The following ZNF7 variants were observed in gnomAD, a reference collection of about 807,000 sequenced individuals.
ZNF7 encodes zinc finger protein 7.
Under a neutral mutation model 12.0 loss-of-function variants are expected in ZNF7, and 10 were observed. The observed-to-expected ratio is 0.83, with a 90% CI of 0.51 to 1.42. The LOEUF (loss-of-function observed/expected upper bound fraction) is 1.42, where lower values mean the gene tolerates loss of function less well. Among genes scored for constraint, ZNF7 ranks in the 40% most tolerant of loss-of-function variants. ZNF7 has a pLI of 0.00. For synonymous variants in ZNF7, 334 were observed against 295.0 expected, an observed-to-expected ratio of 1.13 and a Z score of -1.35; for missense variants, 854 against 837.2, an observed-to-expected ratio of 1.02 and a Z score of -0.25.
intron 4 of ZNF7, chr8:144,841,076 A>G (rs1348013547): frequency 2.4e-6 from 1 of 411,810 alleles, no homozygotes; most frequent in Non-Finnish European, 4.4e-6. Context: ...ACTGTGCCCC[A>G]CACCAGTGCC....
At chr8:144,845,835 C>A, downstream of ZNF7, 1 of 761,772 alleles carries the variant, frequency 1.3e-6, no homozygotes, top group Non-Finnish European at 2.1e-6. Flanking sequence ...CACACCGGAA[C>A]TTCTGTGCAC....
chr8:144,829,153 C>A, intron 2 of ZNF7, 63 bp downstream of exon 2: 3 of 1,610,008 alleles, frequency 1.9e-6, no homozygotes, highest in South Asian at 1.1e-5. Context: ...CCTGCTCTGC[C>A]CACTGGCCCT....
chr8:144,845,605 A>G (rs760432338), downstream of ZNF7, among the ~76,000 whole-genome samples: 5 of 152,170 alleles, frequency 3.3e-5, no homozygotes, highest in Admixed American at 6.5e-5. Context: ...CTCACACAGC[A>G]TCTAATTAAG....
chr8:144,842,997 AAAG>A lies in ZNF7; in HGVS notation c.1893_1895del (p.Lys632del). The A allele has an allele frequency of 6.2e-7, 1 of 1,614,210 alleles. No individual in the cohort carries two copies. The highest frequency in any genetic ancestry group is 8.5e-7 in the Non-Finnish European group (1 of 1,180,046). On this transcript the variant is annotated inframe_deletion, in exon 5 of 5. Transcript: ENST00000532777. ...TGAGCCGTAAAAAGGTTAATACTAT[AAAG>A]AAACTGCATCAGTGTGAAGACTGTG...
At chr8:144,846,307 A>T, downstream of ZNF7, 1 of 923,502 alleles carries the variant, frequency 1.1e-6, no homozygotes, top group Non-Finnish European at 1.6e-6. Flanking sequence ...ACATGGTCCT[A>T]AGTCAGGGGC....
rs1830242122 is a variant in ZNF7 at position 144,843,397 on chromosome 8, G to A, written c.*229G>A. On this transcript the variant is annotated 3_prime_UTR_variant, in exon 5 of 5. Coordinates refer to ENST00000532777, the MANE Select transcript of ZNF7 (RefSeq NM_003416.4). ...GAGGTCAGGAGGTTGAGACCATCCT[G>A]GGTAACAGGTGAAACCCCATCTCTA... is the stretch of plus-strand genomic sequence containing the variant. The A allele has an allele frequency of 2.3e-6, 1 of 441,934 alleles. No homozygotes were observed. Among genetic ancestry groups the A allele is most frequent in the Admixed American group, 4.1e-5 (1 of 24,620 alleles). The allele number at this position is 441,934 out of a possible 1,614,324, so 27.4% of individuals were successfully genotyped here.
chr8:144,843,117 T>G lies in ZNF7; in HGVS notation c.2010T>G (p.Ala670=), dbSNP rs746619228. The G allele has an allele frequency of 4.3e-6, 7 of 1,610,366 alleles. No individual in the cohort carries two copies. The East Asian group carries it at 1.6e-4, about 36-fold the overall frequency. The change falls in exon 5 of 5, where the codon GCT becomes GCG. Residue 670 remains alanine (A), a synonymous_variant. Coordinates refer to ENST00000532777, the MANE Select transcript of ZNF7 (RefSeq NM_003416.4). ...ATAAATGCAATGACTGTGGCAAAGC[T>G]TTTAATCGTAGCTCAAGGCTTACCC... is the stretch of plus-strand genomic sequence containing the variant. The part of the protein sequence containing the change: ...KPYKCNDCGK[A]FNRSSRLTQH...
At chr8:144,840,214 A>G (rs1829697719) in intron 4 of ZNF7, among the ~76,000 whole-genome samples, 2 of 152,214 alleles carry the variant, frequency 1.3e-5, no homozygotes, top group Admixed American at 1.3e-4. Flanking sequence ...GCAGCACATG[A>G]GGACCAGGCC....
chr8:144,847,118 G>C (rs1830553903), downstream of ZNF7: 1 of 152,290 alleles, frequency 6.6e-6, no homozygotes, highest in Admixed American at 6.5e-5. Context: ...ACAGCTTTGA[G>C]ATCTGAGTAT....
intron 4 of ZNF7, among the ~76,000 whole-genome samples, chr8:144,839,063 T>G (rs1380254107): frequency 1.1e-5 from 1 of 88,492 alleles, no homozygotes; most frequent in Non-Finnish European, 2.2e-5. Context: ...TCCATTCATA[T>G]GCGCCTAGGG....
chr8:144,837,186 A>G, intron 3 of ZNF7: 1 of 411,306 alleles, frequency 2.4e-6, no homozygotes, highest in Non-Finnish European at 4.4e-6. Context: ...CTTGCTGTCC[A>G]GCCACAGGAG....
chr8:144,844,449 G>A (rs185372595), downstream of ZNF7, among the ~76,000 whole-genome samples: 62 of 151,832 alleles, frequency 4.1e-4, no homozygotes, highest in East Asian at 9.9e-3. Context: ...GGTGGCTCAC[G>A]CCTGTAATCC....
intron 3 of ZNF7, chr8:144,835,550 G>C (rs1828896087): frequency 6.6e-6 from 1 of 152,006 alleles, no homozygotes; most frequent in Admixed American, 6.6e-5. Context: ...CTTATTCTCT[G>C]TTTTTTGGCA....
chr8:144,844,034 T>G (rs1333496633), downstream of ZNF7, among the ~76,000 whole-genome samples: 1 of 152,162 alleles, frequency 6.6e-6, no homozygotes. Flanking sequence ...TTGGCATTTA[T>G]GGAGCACATA....
In ZNF7 at chr8:144,842,765, A is replaced by C; in HGVS notation, c.1658A>C (p.Tyr553Ser). ...AGGGTTCACACTGGAGAGAGGCCCT[A>C]TAAATGTAATGAATGTGGGAAAGCC... ...HQRVHTGERP[Y>S]KCNECGKAFS... The change falls in exon 5 of 5, where the codon TAT (tyrosine) becomes TCT (serine). Residue 553 changes from tyrosine (Y) to serine (S), a missense_variant. Coordinates refer to ENST00000532777, the MANE Select transcript of ZNF7 (RefSeq NM_003416.4). The C allele has an allele frequency of 6.2e-7, 1 of 1,614,216 alleles. No homozygotes were observed. The highest frequency in any genetic ancestry group is 1.3e-5 in the African/African-American group (1 of 75,072).
In ZNF7 at chr8:144,841,536, G is replaced by A. The variant is rs1277815904; in HGVS notation, c.429G>A (p.Val143=). The change falls in exon 5 of 5, where the codon GTG becomes GTA. Residue 143 remains valine, a synonymous_variant. Transcript: ENST00000532777. The stretch of plus-strand genomic sequence containing the variant: ...ATCTGGGCAGTCCCGGGCTGAAAGT[G>A]ACAGGCTTTACCTTCCAAAATAACT... ...DSHLGSPGLK[V]TGFTFQNNCL... 1.9e-6 allele frequency: 3 copies of A among 1,614,040 alleles called. No individual in the cohort carries two copies. The highest frequency in any genetic ancestry group is 2.5e-6 in the Non-Finnish European group (3 of 1,180,048).
chr8:144,841,644 G>A lies in ZNF7; in HGVS notation c.537G>A (p.Leu179=). ...GTAAGGAGCTGGGAAGCAGCGGCCT[G>A]GATTGTCAGCCTCTTGAAAGTCAGG... ...QGCKELGSSG[L]DCQPLESQGE... The change falls in exon 5 of 5, where the codon CTG becomes CTA. Residue 179 remains leucine (L), a synonymous_variant. Transcript: ENST00000532777. 6.2e-7 allele frequency: 1 copy of A among 1,614,216 alleles called. No homozygotes were observed. The highest frequency in any genetic ancestry group is 8.5e-7 in the Non-Finnish European group (1 of 1,180,042).
rs1007132098 is a variant in ZNF7 at position 144,830,944 on chromosome 8, C to T, written c.130+1340C>T. The T allele has an allele frequency of 3.3e-5, 15 of 457,054 alleles. No homozygotes were observed. The Admixed American group carries it at 3.5e-4, about 11-fold the overall frequency. The allele number at this position is 457,054 out of a possible 1,614,324, so 28.3% of individuals were successfully genotyped here. Reference sequence around the variant, plus strand: ...GTTTCTTCACAGCTTTTAGTGACCCCACTCTCTGGTTTGGTTATCTGTGTC... The same window carrying T: ...GTTTCTTCACAGCTTTTAGTGACCCTACTCTCTGGTTTGGTTATCTGTGTC... On this transcript the variant is annotated intron_variant, in intron 3 of 4. Transcript: ENST00000532777.
Position 144,827,617 on chromosome 8 carries a change from G to T in ZNF7, c.-46+8G>T, listed in dbSNP as rs1827912246. The T allele has an allele frequency of 1.0e-6, 1 of 985,460 alleles. No homozygotes were observed. Among genetic ancestry groups the T allele is most frequent in the Non-Finnish European group, 1.2e-6 (1 of 829,970 alleles). The allele number at this position is 985,460 out of a possible 1,614,324, so 61.0% of individuals were successfully genotyped here. A position where few individuals can be genotyped will look rare whatever the true frequency, so the allele number is the denominator to read the frequency against. On this transcript the variant is annotated splice_region_variant and intron_variant, in intron 1 of 4. Coordinates refer to ENST00000532777, the MANE Select transcript of ZNF7 (RefSeq NM_003416.4). ...GGGTGGTCCTCAGGGAGGGTGAGTC[G>T]GCGCGGCGGGCGCGGACTCGGGTTG...
Sources: gnomAD v4.1 joint callset for allele counts (sites outside exome capture counted in the v4.1 genomes callset) on GRCh38, gnomAD v4.1.1 for gene constraint, MANE v1.5 for transcripts, NCBI Gene and HGNC (gene_info 2026-07-23, HGNC 2026-07-21) for gene names.